Variants in ADCY2 observed in about 807,000 individuals in gnomAD.
ADCY2 encodes adenylate cyclase 2.
A neutral mutation model predicts 125.2 loss-of-function variants in ADCY2; 31 were observed. The ratio of observed to expected loss-of-function variants is 0.25; its 90% CI spans 0.19 to 0.33. The LOEUF is 0.33. Ranked by LOEUF, ADCY2 falls within the 10% of genes least tolerant of loss-of-function variation. The pLI, the probability that ADCY2 is intolerant of heterozygous loss-of-function variation, is 1.00. For missense variants in ADCY2, 904 were observed against 1,418.2 expected, an observed-to-expected ratio of 0.64 and a Z score of 5.82; for synonymous variants, 512 against 548.4, an observed-to-expected ratio of 0.93 and a Z score of 0.93.
At chr5:7,803,255 C>A (rs890433786) in intron 21 of ADCY2, among the ~76,000 whole-genome samples, 2 of 152,156 alleles carry the variant, frequency 1.3e-5, no homozygotes, top group African/African-American at 4.8e-5. Context: ...AATAAACATT[C>A]CCCAGTACTA....
At chr5:7,544,032 A>G (rs1192506956) in intron 3 of ADCY2, among the ~76,000 whole-genome samples, 1 of 151,318 alleles carries the variant, frequency 6.6e-6, no homozygotes, top group African/African-American at 2.4e-5. Context: ...AAAAAAAAAA[A>G]AAAAAAGATT....
chr5:7,458,353 A>G (rs1177424923), intron 2 of ADCY2, among the ~76,000 whole-genome samples: 1 of 152,256 alleles, frequency 6.6e-6, no homozygotes, highest in South Asian at 2.1e-4. Flanking sequence ...AGAGTAATGT[A>G]TAATGAGGAA....
chr5:7,763,055 GTTTGTTTGT>G (rs1560962870), intron 16 of ADCY2, among the ~76,000 whole-genome samples: 1 of 105,546 alleles, frequency 9.5e-6, no homozygotes, highest in African/African-American at 3.3e-5. Flanking sequence ...TGTTTTTTTT[GTTTGTTTGT>G]TTGTTTGTTT....
intron 2 of ADCY2, among the ~76,000 whole-genome samples, chr5:7,497,814 A>G (rs189837885): frequency 6.6e-6 from 1 of 152,300 alleles, no homozygotes; most frequent in Admixed American, 6.5e-5. Context: ...TCTTATATTT[A>G]TTTAACCAGT....
chr5:7,459,342 G>GT (rs779693249), intron 2 of ADCY2, among the ~76,000 whole-genome samples: 60 of 152,202 alleles, frequency 3.9e-4, no homozygotes, highest in Non-Finnish European at 6.5e-4. Flanking sequence ...CCAAAGGATT[G>GT]TAAGTAGGAT....
At chr5:7,809,170 C>T (rs183731137) in intron 22 of ADCY2, among the ~76,000 whole-genome samples, 1 of 152,132 alleles carries the variant, frequency 6.6e-6, no homozygotes, top group African/African-American at 2.4e-5. Context: ...ATATTGGTAC[C>T]ATTGCTGACT....
chr5:7,744,392 A>C (rs552154327), intron 15 of ADCY2, among the ~76,000 whole-genome samples: 117 of 151,424 alleles, frequency 7.7e-4, no homozygotes, highest in African/African-American at 2.7e-3. Context: ...GTAAAATTTA[A>C]AAAAAAAAGT....
In ADCY2 at chr5:7,406,492, A is replaced by T. The variant is rs79318734; in HGVS notation, c.211-8081A>T. On this transcript the variant is annotated intron_variant, in intron 1 of 24. Coordinates refer to ENST00000338316, the MANE Select transcript of ADCY2 (RefSeq NM_020546.3). ...ACAGCAATTCCAAGTCCACCTGGGC[A>T]GGCAGGGTGAGGGTCCCTGGCCCAG... is the stretch of plus-strand genomic sequence containing the variant. Among the ~76,000 whole-genome samples, 1,211 of 152,322 alleles carry T rather than the reference A, an allele frequency of 8.0e-3. 15 individuals carry two copies. Among genetic ancestry groups the T allele is most frequent in the African/African-American group, 0.027 (1,142 of 41,564 alleles).
intron 18 of ADCY2, among the ~76,000 whole-genome samples, chr5:7,783,763 T>A (rs1016785166): frequency 6.6e-6 from 1 of 152,216 alleles, no homozygotes; most frequent in African/African-American, 2.4e-5. Flanking sequence ...GCCCACCCAG[T>A]GCAGTGACAT....
intron 2 of ADCY2, among the ~76,000 whole-genome samples, chr5:7,442,332 T>A (rs147218474): frequency 5.9e-5 from 9 of 152,186 alleles, no homozygotes; most frequent in African/African-American, 1.9e-4. Flanking sequence ...CATTCTAGAT[T>A]TGTCCATTTG....
rs145761834 is a variant in ADCY2 at position 7,804,666 on chromosome 5, G to T, written c.2857G>T (p.Ala953Ser). The T allele has an allele frequency of 5.0e-6, 8 of 1,614,126 alleles. 1 individual carries two copies. The highest frequency in any genetic ancestry group is 4.4e-5 in the South Asian group (4 of 91,070). ...STYMAATGLSAVPSQEHSQEP... is the reference protein window; with the variant it reads ...STYMAATGLSSVPSQEHSQEP... Reference sequence around the variant, plus strand: ...ATACATGGCAGCAACAGGTCTGAGCGCTGTGCCCAGCCAGGAGCACTCCCA... The same window carrying T: ...ATACATGGCAGCAACAGGTCTGAGCTCTGTGCCCAGCCAGGAGCACTCCCA... Residue 953 changes from alanine (A) to serine (S), a missense_variant, in exon 22 of 25, where the codon GCT (alanine) becomes TCT (serine). Ala to Ser is a moderately conservative substitution (Grantham distance 99). Coordinates refer to ENST00000338316, the MANE Select transcript of ADCY2 (RefSeq NM_020546.3).
At chr5:7,568,870 C>G (rs1195542863) in intron 3 of ADCY2, among the ~76,000 whole-genome samples, 1 of 152,104 alleles carries the variant, frequency 6.6e-6, no homozygotes, top group African/African-American at 2.4e-5. Flanking sequence ...GTTTGTCAGC[C>G]ATGATGACAT....
intron 4 of ADCY2, among the ~76,000 whole-genome samples, chr5:7,684,181 G>T (rs189592561): frequency 3.3e-5 from 5 of 152,250 alleles, no homozygotes; most frequent in Admixed American, 6.5e-5. Context: ...TGAGTGTGGC[G>T]GTCATGTTTG....
At chr5:7,721,863 T>C (rs188828073) in intron 12 of ADCY2, among the ~76,000 whole-genome samples, 23 of 152,342 alleles carry the variant, frequency 1.5e-4, no homozygotes, top group African/African-American at 4.3e-4. Flanking sequence ...AGATATATTC[T>C]ATACGGGAAA....
chr5:7,430,304 G>A (rs1158763993), intron 2 of ADCY2, among the ~76,000 whole-genome samples: 1 of 151,836 alleles, frequency 6.6e-6, no homozygotes, highest in Non-Finnish European at 1.5e-5. Flanking sequence ...CAATTCTACA[G>A]AAATTCATCC....
chr5:7,710,575 G>A (rs187133017), intron 10 of ADCY2, among the ~76,000 whole-genome samples: 300 of 152,284 alleles, frequency 2.0e-3, no homozygotes, highest in Non-Finnish European at 3.5e-3. Context: ...AGTCAGTGGC[G>A]CAAAGATGAA....
chr5:7,782,370 T>C (rs554245988), intron 18 of ADCY2: 1 of 159,122 alleles, frequency 6.3e-6, no homozygotes, highest in Non-Finnish European at 1.5e-5. Context: ...GTGAATTTTC[T>C]GTCTGATTAA....
intron 19 of ADCY2, among the ~76,000 whole-genome samples, chr5:7,786,800 C>T (rs909346345): frequency 7.2e-5 from 11 of 152,162 alleles, no homozygotes; most frequent in Admixed American, 5.9e-4. Context: ...TGTAGGAGAG[C>T]TTAGAACCCA....
intron 2 of ADCY2, among the ~76,000 whole-genome samples, chr5:7,424,373 A>T (rs951533219): frequency 1.2e-4 from 19 of 152,246 alleles, no homozygotes; most frequent in African/African-American, 4.6e-4. Flanking sequence ...AAGCCCAGAA[A>T]AGTTAACCAA....
Sources: allele counts gnomAD v4.1 joint callset (sites outside exome capture counted in the v4.1 genomes callset), GRCh38; gene constraint gnomAD v4.1.1; transcripts MANE v1.5; gene names NCBI Gene and HGNC (gene_info 2026-07-23, HGNC 2026-07-21).